The following TMEM108 variants were observed in gnomAD, a reference collection of about 807,000 sequenced individuals.
TMEM108 encodes the protein cancer/testis antigen 124.
A neutral mutation model predicts 35.1 loss-of-function variants in TMEM108; 12 were observed. The observed-to-expected ratio is 0.34, with a 90% CI of 0.22 to 0.55. The LOEUF is 0.55. TMEM108 is among the 20% of genes least tolerant of loss of function. TMEM108 has a pLI of 0.89. For missense variants in TMEM108, 680 were observed against 753.3 expected, an observed-to-expected ratio of 0.90 and a Z score of 1.14; for synonymous variants, 287 against 308.6, an observed-to-expected ratio of 0.93 and a Z score of 0.73.
At chr3:133,043,084 C>T (rs1190088156) in intron 1 of TMEM108, among the ~76,000 whole-genome samples, 1 of 152,208 alleles carries the variant, frequency 6.6e-6, no homozygotes, top group Admixed American at 6.5e-5. Flanking sequence ...TCTGCATATG[C>T]TGTTTCCTGT....
intron 2 of TMEM108, among the ~76,000 whole-genome samples, chr3:133,132,229 C>A (rs1179745394): frequency 6.6e-6 from 1 of 152,214 alleles, no homozygotes; most frequent in African/African-American, 2.4e-5. Flanking sequence ...ATGAAACAGG[C>A]TTCTGTTGGA....
At chr3:133,305,583 A>C (rs1356484267) in intron 3 of TMEM108, among the ~76,000 whole-genome samples, 1 of 152,144 alleles carries the variant, frequency 6.6e-6, no homozygotes, top group Admixed American at 6.5e-5. Context: ...TTGGGTGTAC[A>C]TGTTTTCACT....
At chr3:133,180,254 A>C (rs752369838) in intron 2 of TMEM108, among the ~76,000 whole-genome samples, 1 of 152,190 alleles carries the variant, frequency 6.6e-6, no homozygotes, top group Admixed American at 6.5e-5. Flanking sequence ...TTCAAATGGA[A>C]GAACTTCCAA....
intron 3 of TMEM108, among the ~76,000 whole-genome samples, chr3:133,324,901 G>A (rs1038349304): frequency 6.6e-6 from 1 of 152,168 alleles, no homozygotes; most frequent in African/African-American, 2.4e-5. Context: ...GCTTCAACCT[G>A]GGAGACGGAG....
At chr3:133,098,984 T>C (rs1576317580) in intron 2 of TMEM108, among the ~76,000 whole-genome samples, 1 of 152,162 alleles carries the variant, frequency 6.6e-6, no homozygotes, top group Non-Finnish European at 1.5e-5. Context: ...CTGCCTACAG[T>C]AGGGACTCTG....
intron 3 of TMEM108, among the ~76,000 whole-genome samples, chr3:133,277,768 C>T (rs1398761): frequency 1.3e-5 from 2 of 152,220 alleles, no homozygotes; most frequent in African/African-American, 2.4e-5. Context: ...TTGCTGAGTG[C>T]CATGCAACAG....
chr3:133,068,093 TATATA>T (rs1943632848), intron 2 of TMEM108, among the ~76,000 whole-genome samples: 1 of 144,654 alleles, frequency 6.9e-6, no homozygotes, highest in South Asian at 2.1e-4. Flanking sequence ...ATATTAATGT[TATATA>T]ATATATTAAT....
rs185227007 is a variant in TMEM108 at position 133,179,806 on chromosome 3, T to C, written c.-46-49460T>C. On this transcript the variant is annotated intron_variant, in intron 2 of 5. Transcript: ENST00000321871. The stretch of plus-strand genomic sequence containing the variant: ...ATGTACCGTAAAACTTAAAGTATAA[T>C]AAAAAAATAAAATAAAATAAAATGG... 8.1e-3 allele frequency among the ~76,000 whole-genome samples: 1,194 copies of C among 147,792 alleles called. 13 individuals are homozygous for C. Among genetic ancestry groups the C allele is most frequent in the African/African-American group, 0.027 (1,094 of 39,846 alleles).
intron 3 of TMEM108, among the ~76,000 whole-genome samples, chr3:133,310,508 G>A (rs1275520645): frequency 7.6e-6 from 1 of 131,072 alleles, no homozygotes; most frequent in Non-Finnish European, 1.6e-5. Context: ...TGTTTTATCA[G>A]AGACTAGGAT....
At chr3:133,249,557 G>A (rs1946437269) in intron 3 of TMEM108, among the ~76,000 whole-genome samples, 1 of 152,148 alleles carries the variant, frequency 6.6e-6, no homozygotes, top group Non-Finnish European at 1.5e-5. Flanking sequence ...GAGAACATGT[G>A]CCATTAGGTT....
intron 2 of TMEM108, among the ~76,000 whole-genome samples, chr3:133,221,186 C>T (rs1184840482): frequency 6.6e-6 from 1 of 152,140 alleles, no homozygotes; most frequent in Non-Finnish European, 1.5e-5. Flanking sequence ...CTCCTCTCTT[C>T]TCTCTGGAGA....
intron 2 of TMEM108, among the ~76,000 whole-genome samples, chr3:133,154,797 C>T (rs1472686926): frequency 1.3e-5 from 2 of 152,122 alleles, no homozygotes; most frequent in Non-Finnish European, 2.9e-5. Context: ...ACCAACATGG[C>T]ACATGTATAC....
chr3:133,377,029 A>G (rs1795104), intron 3 of TMEM108, among the ~76,000 whole-genome samples: 76,380 of 151,962 alleles, frequency 0.5, 19,620 homozygotes, highest in African/African-American at 0.63. Flanking sequence ...TCCTCACATG[A>G]TCATCCCTCT....
chr3:133,319,412 G>A (rs1340803191), intron 3 of TMEM108, among the ~76,000 whole-genome samples: 1 of 152,158 alleles, frequency 6.6e-6, no homozygotes, highest in Admixed American at 6.5e-5. Context: ...CCTCCTGGCT[G>A]TAGGCCAACC....
intron 2 of TMEM108, among the ~76,000 whole-genome samples, chr3:133,057,435 GTATATATATATATATATATATA>G (rs56983894): frequency 0.011 from 515 of 45,746 alleles, 10 homozygotes; most frequent in Middle Eastern, 0.02. Flanking sequence ...GTGTGTGTGT[GTATATATATATATATATATATA>G]TATATATATA....
At chr3:133,083,661 T>G (rs1943843555) in intron 2 of TMEM108, among the ~76,000 whole-genome samples, 1 of 152,244 alleles carries the variant, frequency 6.6e-6, no homozygotes, top group Non-Finnish European at 1.5e-5. Context: ...TAATGTTTTA[T>G]TTTTAGATAG....
intron 3 of TMEM108, among the ~76,000 whole-genome samples, chr3:133,294,812 G>C (rs180948138): frequency 6.6e-6 from 1 of 152,156 alleles, no homozygotes; most frequent in Admixed American, 6.6e-5. Flanking sequence ...AGATTTATGA[G>C]ATTTAAAGCA....
intron 3 of TMEM108, among the ~76,000 whole-genome samples, chr3:133,284,956 T>C (rs1946964319): frequency 6.6e-6 from 1 of 152,180 alleles, no homozygotes; most frequent in Non-Finnish European, 1.5e-5. Context: ...TGAGTATGTT[T>C]ACCAACGCTT....
At chr3:133,251,454 A>C (rs145315147) in intron 3 of TMEM108, among the ~76,000 whole-genome samples, 1 of 152,272 alleles carries the variant, frequency 6.6e-6, no homozygotes, top group African/African-American at 2.4e-5. Flanking sequence ...GCCATCTGCT[A>C]TAACAACTCA....
Sources: gnomAD v4.1 joint callset for allele counts (sites outside exome capture counted in the v4.1 genomes callset) on GRCh38, gnomAD v4.1.1 for gene constraint, MANE v1.5 for transcripts, NCBI Gene and HGNC (gene_info 2026-07-23, HGNC 2026-07-21) for gene names.